The following CSMD1 variants were observed in gnomAD, a reference collection of about 807,000 sequenced individuals.
CSMD1 encodes CUB and Sushi multiple domains 1, also known as CUB and sushi domain-containing protein 1.
Under a neutral mutation model 417.5 loss-of-function variants are expected in CSMD1, and 213 were observed. The ratio of observed to expected loss-of-function variants is 0.51; its 90% CI spans 0.46 to 0.57. The LOEUF (loss-of-function observed/expected upper bound fraction) is 0.57, where lower values mean the gene tolerates loss of function less well. Ranked by LOEUF, CSMD1 falls within the 20% of genes least tolerant of loss-of-function variation. The pLI is 0.00. For synonymous variants in CSMD1, 2,862 were observed against 1,736.8 expected, an observed-to-expected ratio of 1.65 and a Z score of -16.11; for missense variants, 6,923 against 4,529.7, an observed-to-expected ratio of 1.53 and a Z score of -15.17.
chr8:2,978,691 C>G lies in CSMD1; in HGVS notation c.8487G>C (p.Lys2829Asn). The change falls in exon 55 of 70, where the codon AAG becomes AAC. Residue 2829 changes from lysine (K) to asparagine (N), a missense_variant. Lys to Asn is a moderately conservative substitution (Grantham distance 94). Coordinates refer to ENST00000635120, the MANE Select transcript of CSMD1 (RefSeq NM_033225.6). ...CTGAAGATCCCAGCAAGTAAAATCC[C>G]TTCTTGCAATGGTACAGGATACTCA... ...YGMSILYHCK[K>N]GFYLLGSSAL... The G allele has an allele frequency of 1.2e-6, 2 of 1,612,118 alleles. No individual in the cohort carries two copies. Among genetic ancestry groups the G allele is most frequent in the Non-Finnish European group, 1.7e-6 (2 of 1,179,082 alleles).
intron 4 of CSMD1, among the ~76,000 whole-genome samples, chr8:4,028,171 C>T (rs1011784266): frequency 6.6e-6 from 1 of 152,108 alleles, no homozygotes; most frequent in African/African-American, 2.4e-5. Context: ...TAATGGGCAT[C>T]TAGAGTAGGA....
intron 5 of CSMD1, among the ~76,000 whole-genome samples, chr8:3,878,855 C>T (rs1806010836): frequency 6.6e-6 from 1 of 152,052 alleles, no homozygotes; most frequent in African/African-American, 2.4e-5. Context: ...TGGACACAAA[C>T]CATAATAAAC....
At chr8:3,453,188 A>T (rs886723314) in intron 12 of CSMD1, among the ~76,000 whole-genome samples, 12 of 151,718 alleles carry the variant, frequency 7.9e-5, no homozygotes, top group Admixed American at 2.6e-4. Context: ...TATTGCTTCT[A>T]TTTGATTCTT....
chr8:3,277,574 C>G (rs1334886755), intron 26 of CSMD1, among the ~76,000 whole-genome samples: 1 of 152,156 alleles, frequency 6.6e-6, no homozygotes, highest in Admixed American at 6.5e-5. Context: ...ATCCTGACAG[C>G]CTGAGCCACT....
intron 12 of CSMD1, among the ~76,000 whole-genome samples, chr8:3,467,136 G>C (rs750551006): frequency 3.9e-5 from 6 of 152,138 alleles, no homozygotes; most frequent in Non-Finnish European, 8.8e-5. Flanking sequence ...ATGTGGTGTG[G>C]TCATTCACTG....
rs568466019 is a variant in CSMD1, at chr8:3,863,334, T to C, written c.819-109292A>G. On this transcript the variant is annotated intron_variant, in intron 5 of 69. Coordinates refer to ENST00000635120, the MANE Select transcript of CSMD1 (RefSeq NM_033225.6). ...ATCGCTTGAACCCAGGAGATGGTGG[T>C]TGCAGGAGTTGAGATCGTGCCACTG... 3.3e-5 allele frequency among the ~76,000 whole-genome samples: 5 copies of C among 151,026 alleles called. No homozygotes were observed. The East Asian group carries it at 7.8e-4, about 24-fold the overall frequency.
At chr8:4,586,127 C>G (rs891589730) in intron 2 of CSMD1, among the ~76,000 whole-genome samples, 1 of 152,214 alleles carries the variant, frequency 6.6e-6, no homozygotes, top group South Asian at 2.1e-4. Context: ...GGCTATCCAT[C>G]TCCTCAAGCA....
At chr8:4,537,819 G>A (rs1797175508) in intron 2 of CSMD1, among the ~76,000 whole-genome samples, 1 of 152,136 alleles carries the variant, frequency 6.6e-6, no homozygotes, top group African/African-American at 2.4e-5. Flanking sequence ...ATCCAACAGA[G>A]CTGCGTAAGA....
At chr8:3,634,937 C>T (rs1796958799) in intron 7 of CSMD1, among the ~76,000 whole-genome samples, 1 of 152,088 alleles carries the variant, frequency 6.6e-6, no homozygotes, top group African/African-American at 2.4e-5. Flanking sequence ...AAACTCACAC[C>T]ACATGTGACT....
chr8:3,382,723 C>A (rs530374492), intron 18 of CSMD1, among the ~76,000 whole-genome samples: 2 of 151,142 alleles, frequency 1.3e-5, no homozygotes, highest in South Asian at 4.2e-4. Context: ...TTTCTTCTCT[C>A]TTCCAGTAGC....
chr8:4,877,123 C>A (rs1803093093), intron 1 of CSMD1, among the ~76,000 whole-genome samples: 1 of 151,902 alleles, frequency 6.6e-6, no homozygotes, highest in Non-Finnish European at 1.5e-5. Flanking sequence ...TTAAGTTTTT[C>A]TTTTTATCAT....
intron 26 of CSMD1, among the ~76,000 whole-genome samples, chr8:3,250,823 G>C (rs1362411254): frequency 6.6e-6 from 1 of 152,126 alleles, no homozygotes; most frequent in African/African-American, 2.4e-5. Context: ...GTGATGATGA[G>C]CATTTTTTCA....
At chr8:4,820,338 A>G (rs192357721) in intron 1 of CSMD1, among the ~76,000 whole-genome samples, 170 of 152,328 alleles carry the variant, frequency 1.1e-3, no homozygotes, top group Middle Eastern at 3.4e-3. Flanking sequence ...GAAGCATTAT[A>G]AAAAGGTAAG....
intron 1 of CSMD1, among the ~76,000 whole-genome samples, chr8:4,760,323 G>C (rs1440317835): frequency 6.6e-6 from 1 of 152,124 alleles, no homozygotes; most frequent in African/African-American, 2.4e-5. Flanking sequence ...ATAAACTTCT[G>C]TGCTGGTTTC....
chr8:3,609,454 T>G (rs1452963478), intron 8 of CSMD1, among the ~76,000 whole-genome samples: 2 of 152,204 alleles, frequency 1.3e-5, no homozygotes, highest in Admixed American at 6.5e-5. Context: ...AAGCAAGCTT[T>G]GTATTTTATG....
chr8:3,893,632 T>C (rs1054670906), intron 5 of CSMD1, among the ~76,000 whole-genome samples: 1 of 152,002 alleles, frequency 6.6e-6, no homozygotes, highest in Non-Finnish European at 1.5e-5. Context: ...GTGCATGGTG[T>C]CTTGCTCTCA....
chr8:3,661,869 G>A (rs1050178719), intron 7 of CSMD1, among the ~76,000 whole-genome samples: 4 of 152,106 alleles, frequency 2.6e-5, no homozygotes, highest in African/African-American at 9.7e-5. Flanking sequence ...GGTGTTGAAG[G>A]ACGACACATA....
chr8:3,522,316 A>G (rs1797541759), intron 10 of CSMD1, among the ~76,000 whole-genome samples: 1 of 152,230 alleles, frequency 6.6e-6, no homozygotes, highest in African/African-American at 2.4e-5. Context: ...AAAAGAGGAG[A>G]GGAAATTGTA....
chr8:4,068,495 G>C (rs1051504415), intron 3 of CSMD1, among the ~76,000 whole-genome samples: 1 of 152,142 alleles, frequency 6.6e-6, no homozygotes, highest in Admixed American at 6.5e-5. Flanking sequence ...CATCATTACA[G>C]AAACAAAACA....
Sources: gnomAD v4.1 joint callset for allele counts (sites outside exome capture counted in the v4.1 genomes callset) on GRCh38, gnomAD v4.1.1 for gene constraint, MANE v1.5 for transcripts, NCBI Gene and HGNC (gene_info 2026-07-23, HGNC 2026-07-21) for gene names.